The following ABI1 variants were observed in gnomAD, a reference collection of about 807,000 sequenced individuals.
The protein encoded by ABI1 is Abelson interactor 1.
In ABI1, 14 loss-of-function variants were observed where a neutral mutation model predicts 54.6. The ratio of observed to expected loss-of-function variants is 0.26; its 90% CI spans 0.17 to 0.40. ABI1 has a LOEUF of 0.40. ABI1 is among the 10% of genes least tolerant of loss of function. The probability of loss-of-function intolerance (pLI) is 1.00; values close to 1 mark genes in which losing one functional copy is unlikely to be tolerated. For missense variants in ABI1, 443 were observed against 598.3 expected (o/e 0.74, Z 2.71); for synonymous variants, 194 against 209.3 (o/e 0.93, Z 0.63).
chr10:26,787,231 TA>T (rs1343396621), intron 2 of ABI1, among the ~76,000 whole-genome samples: 1 of 152,144 alleles, frequency 6.6e-6, no homozygotes, highest in Non-Finnish European at 1.5e-5. Context: ...ACAAAAGAAG[TA>T]AACTTGAGAA....
chr10:26,789,577 C>T (rs989256497), intron 2 of ABI1, among the ~76,000 whole-genome samples: 1 of 151,898 alleles, frequency 6.6e-6, no homozygotes, highest in Non-Finnish European at 1.5e-5. Context: ...TGAAGGAAAT[C>T]TTCACATTTT....
intron 2 of ABI1, among the ~76,000 whole-genome samples, chr10:26,783,268 GA>G (rs1842359010): frequency 6.6e-6 from 1 of 152,186 alleles, no homozygotes; most frequent in Admixed American, 6.5e-5. Context: ...CATAAAGACA[GA>G]AAATGGAGAT....
At chr10:26,771,989 C>CT (rs1266534338) in intron 3 of ABI1, among the ~76,000 whole-genome samples, 1,697 of 142,640 alleles carry the variant, frequency 0.012, 12 homozygotes, top group Non-Finnish European at 0.016. Flanking sequence ...GGGCTTCAAG[C>CT]TTTTTTTTTT....
chr10:26,858,702 C>A (rs1199749049), intron 1 of ABI1, among the ~76,000 whole-genome samples: 2 of 151,484 alleles, frequency 1.3e-5, no homozygotes, highest in East Asian at 3.9e-4. Flanking sequence ...ATGATTGTAG[C>A]AAGAGGAGTA....
At chr10:26,859,764 T>A (rs1028411633) in intron 1 of ABI1, among the ~76,000 whole-genome samples, 1 of 152,208 alleles carries the variant, frequency 6.6e-6, no homozygotes, top group Admixed American at 6.5e-5. Flanking sequence ...ATACTATACA[T>A]TTACTTAGCT....
intron 2 of ABI1, chr10:26,790,770 A>T (rs1843328369): frequency 6.6e-6 from 1 of 152,240 alleles, no homozygotes; most frequent in Non-Finnish European, 1.5e-5. Flanking sequence ...CAAGAGGCAT[A>T]ATACAGAGCT....
rs184505906 is a variant in ABI1 at position 26,809,526 on chromosome 10, C to A, written c.285+13612G>T. ...TGAGCTATGATCACACCATTGCACA[C>A]CAATCTAGGTGACAGAGCGAGACCC... On this transcript the variant is annotated intron_variant, in intron 2 of 10. Transcript: ENST00000376140. 2.6e-5 allele frequency among the ~76,000 whole-genome samples: 4 copies of A among 151,694 alleles called. No homozygotes were observed. The East Asian group carries it at 7.7e-4, about 29-fold the overall frequency.
At chr10:26,791,642 A>C (rs1211267952) in intron 2 of ABI1, among the ~76,000 whole-genome samples, 1 of 152,230 alleles carries the variant, frequency 6.6e-6, no homozygotes, top group African/African-American at 2.4e-5. Flanking sequence ...AGAAGATAGT[A>C]GGGTTCTTAC....
At chr10:26,824,657 C>T (rs1346334804) in intron 1 of ABI1, among the ~76,000 whole-genome samples, 2 of 150,120 alleles carry the variant, frequency 1.3e-5, no homozygotes, top group African/African-American at 4.9e-5. Context: ...TACTTCTTAA[C>T]AGAGGGAAAT....
At chr10:26,749,331 G>T (rs1837326646) in intron 10 of ABI1, among the ~76,000 whole-genome samples, 1 of 152,132 alleles carries the variant, frequency 6.6e-6, no homozygotes, top group Non-Finnish European at 1.5e-5. Flanking sequence ...CAAGATACAG[G>T]TTGAGTAACC....
chr10:26,860,688 T>G lies in ABI1; in HGVS notation c.117+59A>C, dbSNP rs2051238651. On this transcript the variant is annotated intron_variant, in intron 1 of 10. Transcript: ENST00000376140. This position sits in a 1 kb window ranked among gnomAD's most constrained non-coding sequence, Gnocchi z 4.1. ...CAGTTCCCCACCCCGCCCAGTGGGC[T>G]GGTCACTCCGGCGGGTCCTCGACCC... The G allele has an allele frequency of 1.5e-6, 2 of 1,378,780 alleles. No individual in the cohort carries two copies. The highest frequency in any genetic ancestry group is 2.8e-5 in the African/African-American group (2 of 70,352). The allele number at this position is 1,378,780 out of a possible 1,614,324, so 85.4% of individuals were successfully genotyped here.
intron 2 of ABI1, among the ~76,000 whole-genome samples, chr10:26,782,245 C>A (rs953226073): frequency 3.8e-4 from 58 of 152,102 alleles, no homozygotes; most frequent in African/African-American, 1.4e-3. Context: ...CCTTTTATCA[C>A]AAAAGTCACT....
At position 26,830,644 on chromosome 10, in the gene ABI1, A is replaced by AC. The variant is rs1554828465; in HGVS notation, c.118-7340_118-7339insG. Among the ~76,000 whole-genome samples the AC allele has an allele frequency of 2.2e-4, 33 of 151,836 alleles. No individual in the cohort carries two copies. The South Asian group carries it at 6.5e-3, about 30-fold the overall frequency. ...TCCTTTAAAAAAAAAAAAAAAAACA[A>AC]AACTACCAAACTATTTTACAAAGAA... On this transcript the variant is annotated intron_variant, in intron 1 of 10. Transcript: ENST00000376140.
At chr10:26,795,224 C>T (rs1290198479) in intron 2 of ABI1, among the ~76,000 whole-genome samples, 1 of 151,096 alleles carries the variant, frequency 6.6e-6, no homozygotes, top group Non-Finnish European at 1.5e-5. Flanking sequence ...TTAAATATGC[C>T]AAAAGTTTCC....
chr10:26,753,793 A>C (rs867720127), intron 9 of ABI1, among the ~76,000 whole-genome samples: 17 of 152,216 alleles, frequency 1.1e-4, no homozygotes, highest in South Asian at 6.2e-4. Flanking sequence ...AAAGTTAGGG[A>C]ATCTGTGGCA....
At chr10:26,842,517 T>C (rs1459051751) in intron 1 of ABI1, among the ~76,000 whole-genome samples, 3 of 152,184 alleles carry the variant, frequency 2.0e-5, no homozygotes, top group Non-Finnish European at 4.4e-5. Flanking sequence ...ACCAGCACTA[T>C]CTGGTGAGCT....
intron 2 of ABI1, among the ~76,000 whole-genome samples, chr10:26,787,580 G>A (rs1177233074): frequency 2.0e-5 from 3 of 151,038 alleles, no homozygotes; most frequent in Non-Finnish European, 4.4e-5. Context: ...GGCAGGGTGA[G>A]CAAAAAAAAG....
Position 26,837,495 on chromosome 10 carries a change from T to C in ABI1, c.118-14190A>G, listed in dbSNP as rs539446544. ...ACATAAGGATGGCAGGGGGACACAA[T>C]TCTATTCACAATTAGAATAATCTTT... On this transcript the variant is annotated intron_variant, in intron 1 of 10. Coordinates refer to ENST00000376140, the MANE Select transcript of ABI1 (RefSeq NM_001012750.3). 3.3e-5 allele frequency among the ~76,000 whole-genome samples: 5 copies of C among 152,324 alleles called. No individual in the cohort carries two copies. In the South Asian group the frequency reaches 1.0e-3, roughly 32 times the overall value.
At chr10:26,791,897 T>C (rs1246286068) in intron 2 of ABI1, among the ~76,000 whole-genome samples, 1 of 152,204 alleles carries the variant, frequency 6.6e-6, no homozygotes. Context: ...ACTTGAAATA[T>C]TATACACTAT....
Sources: allele counts gnomAD v4.1 joint callset (sites outside exome capture counted in the v4.1 genomes callset), GRCh38; gene constraint gnomAD v4.1.1; non-coding constraint Gnocchi (gnomAD v3.1); transcripts MANE v1.5; gene names NCBI Gene and HGNC (gene_info 2026-07-23, HGNC 2026-07-21).